The following SSU72 variants were observed in gnomAD, a reference collection of about 807,000 sequenced individuals.
SSU72 encodes the protein SSU72 homolog, RNA polymerase II CTD phosphatase, also known as RNA polymerase II subunit A C-terminal domain phosphatase SSU72.
A neutral mutation model predicts 22.7 loss-of-function variants in SSU72; 12 were observed. The observed-to-expected ratio is 0.53, with a 90% CI of 0.34 to 0.86. The LOEUF (loss-of-function observed/expected upper bound fraction) is 0.86, where lower values mean the gene tolerates loss of function less well. Ranked by LOEUF, SSU72 falls within the 40% of genes least tolerant of loss-of-function variation. The pLI is 0.02. For missense variants in SSU72, 151 were observed against 249.8 expected (o/e 0.60, Z 2.67); for synonymous variants, 116 against 98.3 (o/e 1.18, Z -1.06).
intron 2 of SSU72, among the ~76,000 whole-genome samples, chr1:1,560,028 T>C (rs1236279084): frequency 6.6e-6 from 1 of 152,170 alleles, no homozygotes; most frequent in African/African-American, 2.4e-5. Flanking sequence ...CCTAGCGTTT[T>C]GTACTTTTAG....
Position 1,574,574 on chromosome 1 carries a change from C to A in SSU72, c.-17G>T, listed in dbSNP as rs1387536547. On this transcript the variant is annotated 5_prime_UTR_variant, in exon 1 of 5. Coordinates refer to ENST00000291386, the MANE Select transcript of SSU72 (RefSeq NM_014188.3). The stretch of plus-strand genomic sequence containing the variant: ...CGACGGCATGGCGGCGGCCGCAAAT[C>A]CCGCGGCTCTCCCGCTTGGGTTCCC... The A allele has an allele frequency of 6.3e-7, 1 of 1,580,298 alleles. No homozygotes were observed. The highest frequency in any genetic ancestry group is 1.7e-4 in the Middle Eastern group (1 of 5,938).
intron 1 of SSU72, among the ~76,000 whole-genome samples, chr1:1,565,813 C>T (rs923202472): frequency 2.0e-5 from 3 of 151,086 alleles, no homozygotes; most frequent in Admixed American, 1.3e-4. Flanking sequence ...GAACAGGAAA[C>T]GTGTGTCATG....
chr1:1,548,933 G>A (rs894398272), intron 2 of SSU72, among the ~76,000 whole-genome samples: 9 of 152,198 alleles, frequency 5.9e-5, no homozygotes, highest in African/African-American at 1.9e-4. Flanking sequence ...ACCCTCCCCC[G>A]GTGTGTGGCT....
At chr1:1,562,591 G>A (rs1311895359) in intron 2 of SSU72, 4 of 152,334 alleles carry the variant, frequency 2.6e-5, no homozygotes, top group African/African-American at 9.6e-5. Context: ...AGGTGAAGAT[G>A]GGAAGACCCA....
rs1339668329 is a variant in SSU72, at chr1:1,574,800, G to A, written c.-243C>T. ...CTCGGCGAGGCCGGGGGCGGCCAAC[G>A]CCGCGCCGGCCCCCGGCGTCCGCAG... On this transcript the variant is annotated 5_prime_UTR_variant, in exon 1 of 5. Coordinates refer to ENST00000291386, the MANE Select transcript of SSU72 (RefSeq NM_014188.3). 2 of 225,106 alleles carry A rather than the reference G, an allele frequency of 8.9e-6. No homozygotes were observed. Among genetic ancestry groups the A allele is most frequent in the South Asian group, 4.9e-5 (1 of 20,438 alleles). The allele number at this position is 225,106 out of a possible 1,614,324, so 13.9% of individuals were successfully genotyped here.
In SSU72 at chr1:1,565,278, C is replaced by A. The variant is rs551852911; in HGVS notation, c.81-362G>T. On this transcript the variant is annotated intron_variant, in intron 1 of 4. Coordinates refer to ENST00000291386, the MANE Select transcript of SSU72 (RefSeq NM_014188.3). The stretch of plus-strand genomic sequence containing the variant: ...GTCCCAGCTACTCGGGAGGCTGAGG[C>A]AGGAGAATGGCGTGAACCCGGGAGG... 4.5e-4 allele frequency among the ~76,000 whole-genome samples: 69 copies of A among 152,278 alleles called. No homozygotes were observed. In the East Asian group the frequency reaches 0.013, roughly 29 times the overall value.
intron 1 of SSU72, among the ~76,000 whole-genome samples, chr1:1,573,917 G>A (rs534292584): frequency 3.3e-5 from 5 of 152,068 alleles, no homozygotes; most frequent in Admixed American, 1.3e-4. Flanking sequence ...GTCACAGGCG[G>A]CCAGTTAGCA....
At chr1:1,568,474 C>A (rs776847872) in intron 1 of SSU72, among the ~76,000 whole-genome samples, 20 of 151,906 alleles carry the variant, frequency 1.3e-4, no homozygotes, top group Admixed American at 5.2e-4. Context: ...CGTGGTGGTG[C>A]GCGCCTGTAA....
chr1:1,550,438 C>T (rs140160002), intron 2 of SSU72, among the ~76,000 whole-genome samples: 11 of 152,346 alleles, frequency 7.2e-5, no homozygotes, highest in African/African-American at 2.4e-4. Context: ...TAACCCTAAC[C>T]ATGACTTTCC....
In SSU72 at chr1:1,541,978, A is replaced by G; in HGVS notation, c.*88T>C. 1 of 1,277,682 alleles carries G rather than the reference A, an allele frequency of 7.8e-7. No homozygotes were observed. The highest frequency in any genetic ancestry group is 1.3e-5 in the South Asian group (1 of 76,976). 79.1% of individuals were successfully genotyped at this position (1,277,682 alleles called of 1,614,324 possible). ...TTTGGGTAATGCTACCGTCACCAGC[A>G]GAACACCTGTAAGTAAAAACAAATG... On this transcript the variant is annotated 3_prime_UTR_variant, in exon 5 of 5. Coordinates refer to ENST00000291386, the MANE Select transcript of SSU72 (RefSeq NM_014188.3).
intron 3 of SSU72, among the ~76,000 whole-genome samples, chr1:1,544,270 T>C (rs1190274344): frequency 6.6e-6 from 1 of 152,114 alleles, no homozygotes; most frequent in African/African-American, 2.4e-5. Flanking sequence ...CCCTTCCCCG[T>C]CACTAAAGAC....
intron 2 of SSU72, chr1:1,564,531 C>G (rs201274097): frequency 6.5e-7 from 1 of 1,541,120 alleles, no homozygotes; most frequent in Admixed American, 2.0e-5. Context: ...TCTGCTGAAC[C>G]ACGTCAGGGT....
intron 1 of SSU72, among the ~76,000 whole-genome samples, chr1:1,571,145 T>C (rs1283078018): frequency 6.7e-6 from 1 of 148,764 alleles, no homozygotes; most frequent in Non-Finnish European, 1.5e-5. Context: ...CTCAGGAGGC[T>C]GAGGCAGGAG....
At chr1:1,552,424 C>T (rs543397492) in intron 2 of SSU72, among the ~76,000 whole-genome samples, 1 of 152,328 alleles carries the variant, frequency 6.6e-6, no homozygotes, top group South Asian at 2.1e-4. Flanking sequence ...GCCTGGGACC[C>T]CCTTCGATTT....
rs192607242 is a variant in SSU72, at chr1:1,569,413, C to T, written c.81-4497G>A. Among the ~76,000 whole-genome samples the T allele has an allele frequency of 5.3e-4, 80 of 152,216 alleles. 1 individual carries two copies. The highest frequency in any genetic ancestry group is 3.5e-3 in the Admixed American group (54 of 15,274). On this transcript the variant is annotated intron_variant, in intron 1 of 4. Transcript: ENST00000291386. ...CCAAAGATGATCACCCCAGAGAACG[C>T]TAACATGTCGACACTTACTATCACT... is the stretch of plus-strand genomic sequence containing the variant.
chr1:1,571,244 CAAAAAAAAAAAAAAAAAAAAAAA>C (rs753699933), intron 1 of SSU72, among the ~76,000 whole-genome samples: 7 of 46,896 alleles, frequency 1.5e-4, no homozygotes, highest in South Asian at 6.1e-4. Flanking sequence ...GACTCCATCT[CAAAAAAAAAAAAAAAAAAAAAAA>C]AAAAAAAAAA....
intron 1 of SSU72, among the ~76,000 whole-genome samples, chr1:1,569,465 C>T (rs1036127026): frequency 2.1e-4 from 32 of 152,106 alleles, no homozygotes; most frequent in African/African-American, 7.2e-4. Context: ...ATAGAGTCCA[C>T]GCTGATTTTC....
chr1:1,574,066 G>A (rs1447195595), intron 1 of SSU72, among the ~76,000 whole-genome samples: 1 of 151,492 alleles, frequency 6.6e-6, no homozygotes, highest in East Asian at 1.9e-4. Flanking sequence ...CAAATCCATG[G>A]CATTAAAAAA....
At chr1:1,559,072 C>T (rs1298134506) in intron 2 of SSU72, among the ~76,000 whole-genome samples, 5 of 152,242 alleles carry the variant, frequency 3.3e-5, no homozygotes, top group African/African-American at 1.2e-4. Flanking sequence ...TCAAGCCCCT[C>T]GGCAGGACAC....
Sources: gnomAD v4.1 joint callset for allele counts (sites outside exome capture counted in the v4.1 genomes callset) on GRCh38, gnomAD v4.1.1 for gene constraint, MANE v1.5 for transcripts, NCBI Gene and HGNC (gene_info 2026-07-23, HGNC 2026-07-21) for gene names.